ZNF423: variants seen among roughly 807,000 people sequenced by gnomAD.
The protein encoded by ZNF423 is zinc finger protein 423, also known as Ebf-associated zinc finger protein.
Under a neutral mutation model 95.8 loss-of-function variants are expected in ZNF423, and 12 were observed. That is an observed-to-expected ratio of 0.13 (90% CI 0.08 to 0.20). ZNF423 has a LOEUF of 0.20. ZNF423 is among the 10% of genes least tolerant of loss of function. The pLI is 1.00. For missense variants in ZNF423, 1,316 were observed against 1,737.1 expected, an observed-to-expected ratio of 0.76 and a Z score of 4.31; for synonymous variants, 749 against 711.9, an observed-to-expected ratio of 1.05 and a Z score of -0.83.
chr16:49,627,038 C>T (rs1430750550), intron 4 of ZNF423, among the ~76,000 whole-genome samples: 1 of 93,706 alleles, frequency 1.1e-5, no homozygotes, highest in Non-Finnish European at 2.0e-5. Context: ...TCTACATATA[C>T]ACCCACCAAT....
At chr16:49,824,469 G>A (rs1182511194) in intron 1 of ZNF423, among the ~76,000 whole-genome samples, 2 of 152,124 alleles carry the variant, frequency 1.3e-5, no homozygotes, top group Non-Finnish European at 2.9e-5. Context: ...GTTGGGGGTG[G>A]GGGAGGTGTG....
At chr16:49,853,059 T>G (rs901045751) in intron 1 of ZNF423, among the ~76,000 whole-genome samples, 1 of 152,206 alleles carries the variant, frequency 6.6e-6, no homozygotes, top group African/African-American at 2.4e-5. Flanking sequence ...CAAATTACAG[T>G]CAAGCGACTT....
chr16:49,853,355 A>G (rs2035322821), intron 1 of ZNF423, among the ~76,000 whole-genome samples: 1 of 151,976 alleles, frequency 6.6e-6, no homozygotes, highest in Non-Finnish European at 1.5e-5. Flanking sequence ...TGGAACTCTT[A>G]TCTATCCAAA....
intron 3 of ZNF423, among the ~76,000 whole-genome samples, chr16:49,679,654 G>A (rs2031267863): frequency 6.6e-6 from 1 of 152,256 alleles, no homozygotes; most frequent in Non-Finnish European, 1.5e-5. Flanking sequence ...GGGCCTGCAG[G>A]TGCCCCTCGG....
At position 49,827,297 on chromosome 16, in the gene ZNF423, C is replaced by G. The variant is rs149968755; in HGVS notation, c.40+28438G>C. Among the ~76,000 whole-genome samples, 50 of 152,166 alleles carry G rather than the reference C, an allele frequency of 3.3e-4. 1 individual carries two copies. Among genetic ancestry groups the G allele is most frequent in the African/African-American group, 1.1e-3 (47 of 41,518 alleles). ...ACCAGACAGTCTTCACCAGTTCCCCCACCCCTCATCCTTCCTTGTCTTCCT... is the reference window on the plus strand; with the variant it reads ...ACCAGACAGTCTTCACCAGTTCCCCGACCCCTCATCCTTCCTTGTCTTCCT... On this transcript the variant is annotated intron_variant, in intron 1 of 7. Coordinates refer to ENST00000563137, the MANE Select transcript of ZNF423 (RefSeq NM_001379286.1).
chr16:49,777,242 T>C (rs973734319), intron 2 of ZNF423, among the ~76,000 whole-genome samples: 2 of 152,248 alleles, frequency 1.3e-5, no homozygotes, highest in Non-Finnish European at 2.9e-5. Flanking sequence ...GGAGTATGCA[T>C]ATGCCAATGT....
chr16:49,800,969 C>T (rs1428739877), intron 1 of ZNF423, among the ~76,000 whole-genome samples: 2 of 152,226 alleles, frequency 1.3e-5, no homozygotes, highest in Non-Finnish European at 2.9e-5. Flanking sequence ...GAAAAGGAAA[C>T]TGAATATCAC....
At chr16:49,732,313 G>T (rs1239177017) in intron 2 of ZNF423, among the ~76,000 whole-genome samples, 2 of 152,202 alleles carry the variant, frequency 1.3e-5, no homozygotes, top group African/African-American at 4.8e-5. Context: ...GCAAAAGCGT[G>T]TGGTAAATAT....
intron 7 of ZNF423, among the ~76,000 whole-genome samples, chr16:49,510,294 G>A (rs909605181): frequency 6.6e-6 from 1 of 152,330 alleles, no homozygotes; most frequent in African/African-American, 2.4e-5. Context: ...GAGTCACCGT[G>A]AGGGAGGTCA....
At chr16:49,499,479 G>A (rs987065591) in intron 7 of ZNF423, among the ~76,000 whole-genome samples, 5 of 152,248 alleles carry the variant, frequency 3.3e-5, no homozygotes, top group African/African-American at 4.8e-5. Flanking sequence ...TGCCGAACCA[G>A]TAGCAGAAGC....
rs1966915346 is a variant in ZNF423 at position 49,490,516 on chromosome 16, A to C, written c.*759T>G. The C allele has an allele frequency of 6.6e-6, 1 of 152,530 alleles. No individual in the cohort carries two copies. The highest frequency in any genetic ancestry group is 6.5e-5 in the Admixed American group (1 of 15,294). The allele number at this position is 152,530 out of a possible 1,614,324, so 9.4% of individuals were successfully genotyped here. On this transcript the variant is annotated 3_prime_UTR_variant, in exon 8 of 8. Coordinates refer to ENST00000563137, the MANE Select transcript of ZNF423 (RefSeq NM_001379286.1). ...GGTCCCCAAGGGCGTGTGCAAGCCC[A>C]CAGGAACTTGTAGGGGAACACACCT... is the stretch of plus-strand genomic sequence containing the variant.
At chr16:49,750,998 C>T (rs570550513) in intron 2 of ZNF423, among the ~76,000 whole-genome samples, 43 of 152,198 alleles carry the variant, frequency 2.8e-4, no homozygotes, top group Non-Finnish European at 2.8e-4. Context: ...AGAGGCCCGA[C>T]GGCGACGAAA....
At chr16:49,801,297 G>A (rs2034579318) in intron 1 of ZNF423, among the ~76,000 whole-genome samples, 1 of 152,198 alleles carries the variant, frequency 6.6e-6, no homozygotes, top group Non-Finnish European at 1.5e-5. Flanking sequence ...TCTGGCACTG[G>A]AGGCTTTTAC....
At chr16:49,833,309 G>A (rs1567364511) in intron 1 of ZNF423, among the ~76,000 whole-genome samples, 2 of 152,174 alleles carry the variant, frequency 1.3e-5, no homozygotes, top group African/African-American at 2.4e-5. Flanking sequence ...ATTTACGTGC[G>A]AGAGCAAAGG....
At chr16:49,669,438 T>C (rs2030705248) in intron 3 of ZNF423, among the ~76,000 whole-genome samples, 1 of 152,136 alleles carries the variant, frequency 6.6e-6, no homozygotes, top group African/African-American at 2.4e-5. Context: ...GAGTGGGATA[T>C]GGGGCACCCT....
chr16:49,669,299 A>G (rs947773332), intron 3 of ZNF423, among the ~76,000 whole-genome samples: 1 of 151,838 alleles, frequency 6.6e-6, no homozygotes, highest in Non-Finnish European at 1.5e-5. Context: ...ATTGCACTCC[A>G]GCCTGGATAA....
At chr16:49,759,151 G>A (rs1423223127) in intron 2 of ZNF423, among the ~76,000 whole-genome samples, 2 of 152,166 alleles carry the variant, frequency 1.3e-5, no homozygotes, top group Non-Finnish European at 2.9e-5. Context: ...TGTAATCCCA[G>A]CACCTTGGGA....
intron 3 of ZNF423, among the ~76,000 whole-genome samples, chr16:49,657,702 G>A (rs873793): frequency 0.22 from 33,751 of 152,162 alleles, 4,430 homozygotes; most frequent in East Asian, 0.3. Flanking sequence ...CCCCAAAATC[G>A]GCCTTTCCCT....
chr16:49,694,492 T>A (rs2031897406), intron 3 of ZNF423, among the ~76,000 whole-genome samples: 1 of 152,194 alleles, frequency 6.6e-6, no homozygotes, highest in Admixed American at 6.5e-5. Flanking sequence ...TTTGGCCACA[T>A]GGTAAAAACA....
Sources: allele counts gnomAD v4.1 joint callset (sites outside exome capture counted in the v4.1 genomes callset), GRCh38; gene constraint gnomAD v4.1.1; transcripts MANE v1.5; gene names NCBI Gene and HGNC (gene_info 2026-07-23, HGNC 2026-07-21).